Variants in NBEA observed in about 807,000 individuals in gnomAD.
NBEA encodes the protein neurobeachin, also known as lysosomal-trafficking regulator 2.
In NBEA, 44 loss-of-function variants were observed where a neutral mutation model predicts 343.4. The ratio of observed to expected loss-of-function variants is 0.13; its 90% confidence interval spans 0.10 to 0.16. The LOEUF is 0.16. NBEA is among the 10% of genes least tolerant of loss of function. NBEA has a pLI of 1.00. For synonymous variants in NBEA, 1,175 were observed against 1,238.7 expected (o/e 0.95, Z 1.08); for missense variants, 2,555 against 3,631.3 (o/e 0.70, Z 7.62).
At chr13:35,620,207 A>G (rs2082919214) in intron 48 of NBEA, among the ~76,000 whole-genome samples, 1 of 152,062 alleles carries the variant, frequency 6.6e-6, no homozygotes, top group African/African-American at 2.4e-5. Flanking sequence ...CAGGCGATAG[A>G]CAATTTTTTA....
chr13:35,647,884 A>T (rs950435662), intron 51 of NBEA, among the ~76,000 whole-genome samples: 12 of 151,246 alleles, frequency 7.9e-5, no homozygotes, highest in African/African-American at 1.2e-4. Flanking sequence ...TTGTTTTTAA[A>T]TTTTTTTTTA....
chr13:35,121,192 C>T (rs1041269044), intron 16 of NBEA, among the ~76,000 whole-genome samples: 1 of 152,012 alleles, frequency 6.6e-6, no homozygotes, highest in African/African-American at 2.4e-5. Context: ...GCAGCCTCCA[C>T]CTCCTGGGTT....
chr13:35,439,546 A>G (rs2045623027), intron 39 of NBEA, among the ~76,000 whole-genome samples: 1 of 152,166 alleles, frequency 6.6e-6, no homozygotes, highest in Non-Finnish European at 1.5e-5. Flanking sequence ...CACTTCATAA[A>G]GGTTTCAGAA....
chr13:35,328,359 A>G (rs1382470845), intron 36 of NBEA, among the ~76,000 whole-genome samples: 2 of 152,092 alleles, frequency 1.3e-5, no homozygotes, highest in South Asian at 4.1e-4. Context: ...CTGCCAAAAA[A>G]ATAAAAATAA....
intron 34 of NBEA, among the ~76,000 whole-genome samples, chr13:35,275,445 C>T (rs578101812): frequency 3.5e-4 from 54 of 152,234 alleles, no homozygotes; most frequent in African/African-American, 1.3e-3. Context: ...TAGGCATGGG[C>T]AAGGACTTCA....
At chr13:35,404,059 TCA>T (rs2043133147) in intron 38 of NBEA, among the ~76,000 whole-genome samples, 1 of 152,266 alleles carries the variant, frequency 6.6e-6, no homozygotes, top group Non-Finnish European at 1.5e-5. Flanking sequence ...AGATACCATC[TCA>T]CACCAGTTAG....
intron 47 of NBEA, among the ~76,000 whole-genome samples, chr13:35,597,038 A>C (rs1293757794): frequency 6.6e-6 from 1 of 152,184 alleles, no homozygotes; most frequent in Admixed American, 6.6e-5. Context: ...AAATATATTA[A>C]ACTGAAATGT....
chr13:35,083,330 A>G (rs560541323), intron 10 of NBEA, among the ~76,000 whole-genome samples: 1 of 152,178 alleles, frequency 6.6e-6, no homozygotes, highest in Non-Finnish European at 1.5e-5. Flanking sequence ...GCCTTGTAGT[A>G]TAGTTTGAAG....
chr13:35,644,174 A>G (rs1291590973), intron 49 of NBEA, among the ~76,000 whole-genome samples: 1 of 152,238 alleles, frequency 6.6e-6, no homozygotes, highest in Non-Finnish European at 1.5e-5. Context: ...ATCACAAGGA[A>G]GAGGGAGTCA....
At chr13:35,249,539 C>G (rs1419506066) in intron 34 of NBEA, among the ~76,000 whole-genome samples, 1 of 152,094 alleles carries the variant, frequency 6.6e-6, no homozygotes, top group African/African-American at 2.4e-5. Context: ...AACCTTACAC[C>G]TATTAGGATG....
chr13:35,486,691 C>G (rs993353855), intron 41 of NBEA, among the ~76,000 whole-genome samples: 1 of 152,116 alleles, frequency 6.6e-6, no homozygotes, highest in Admixed American at 6.6e-5. Flanking sequence ...ATAGAAACTG[C>G]TACTAGGCTT....
At chr13:35,390,619 TTAAA>T (rs1490080053) in intron 38 of NBEA, among the ~76,000 whole-genome samples, 3 of 152,132 alleles carry the variant, frequency 2.0e-5, no homozygotes, top group African/African-American at 7.2e-5. Flanking sequence ...ATGGGGAAAC[TTAAA>T]TAATGCTAAA....
rs9601027 is a variant in NBEA, at chr13:35,595,793, G to A, written c.7296+2346G>A. Among the ~76,000 whole-genome samples the A allele has an allele frequency of 1.9e-3, 294 of 151,938 alleles. 1 individual carries two copies. Among genetic ancestry groups the A allele is most frequent in the African/African-American group, 6.9e-3 (288 of 41,452 alleles). ...AGTGTGCAAGGGTACCTCCTTCCCC[G>A]TGCCCCCTACACCCATCATCACTAT... On this transcript the variant is annotated intron_variant, in intron 47 of 58. Coordinates refer to ENST00000379939, the MANE Select transcript of NBEA (RefSeq NM_001385012.1).
At chr13:35,428,603 A>G (rs763810706) in intron 38 of NBEA, among the ~76,000 whole-genome samples, 7 of 151,762 alleles carry the variant, frequency 4.6e-5, no homozygotes, top group Admixed American at 1.3e-4. Context: ...GAGAGTTTCT[A>G]TTTCTTTGCT....
intron 35 of NBEA, among the ~76,000 whole-genome samples, chr13:35,307,170 C>T (rs1350457325): frequency 1.3e-5 from 2 of 151,968 alleles, no homozygotes; most frequent in Admixed American, 6.6e-5. Flanking sequence ...CATCTAGTCT[C>T]GGCATCTCTT....
chr13:34,986,151 T>G (rs907160062), intron 1 of NBEA, among the ~76,000 whole-genome samples: 2 of 150,876 alleles, frequency 1.3e-5, no homozygotes, highest in Admixed American at 6.6e-5. Flanking sequence ...AGATGTTTCC[T>G]GCTTTCTCTT....
intron 41 of NBEA, among the ~76,000 whole-genome samples, chr13:35,489,228 ACAACAGAAACATTCT>A (rs943496101): frequency 6.6e-6 from 1 of 151,876 alleles, no homozygotes; most frequent in Admixed American, 6.6e-5. Context: ...CAGTGCGTTT[ACAACAGAAACATTCT>A]CAAGTGAAGA....
chr13:34,965,657 A>G (rs1311870500), intron 1 of NBEA, among the ~76,000 whole-genome samples: 1 of 151,930 alleles, frequency 6.6e-6, no homozygotes, highest in Non-Finnish European at 1.5e-5. Context: ...ATCCTTGTTT[A>G]ACTCACATCT....
chr13:35,598,371 TCC>T (rs1321736792), intron 47 of NBEA, among the ~76,000 whole-genome samples: 11 of 152,314 alleles, frequency 7.2e-5, no homozygotes, highest in African/African-American at 2.6e-4. Flanking sequence ...TGGGCTTGGC[TCC>T]TTAATTCATT....
Sources: allele counts gnomAD v4.1 joint callset (sites outside exome capture counted in the v4.1 genomes callset), GRCh38; gene constraint gnomAD v4.1.1; transcripts MANE v1.5; gene names NCBI Gene and HGNC (gene_info 2026-07-23, HGNC 2026-07-21).